Variants in CHCHD3 observed in about 807,000 individuals in gnomAD.
The protein encoded by CHCHD3 is coiled-coil-helix-coiled-coil-helix domain containing 3.
In CHCHD3, 20 loss-of-function variants were observed where a neutral mutation model predicts 38.2. The observed-to-expected ratio is 0.52, with a 90% confidence interval of 0.37 to 0.76. The LOEUF is 0.76. CHCHD3 is among the 30% of genes least tolerant of loss of function. The pLI is 0.00. For synonymous variants in CHCHD3, 82 were observed against 100.0 expected, an observed-to-expected ratio of 0.82 and a Z score of 1.07; for missense variants, 245 against 279.2, an observed-to-expected ratio of 0.88 and a Z score of 0.87.
intron 2 of CHCHD3, among the ~76,000 whole-genome samples, chr7:133,061,597 T>C (rs952897058): frequency 2.0e-5 from 3 of 152,146 alleles, no homozygotes; most frequent in East Asian, 1.9e-4. Context: ...CAGGGGTTGG[T>C]TGCTGGCAGC....
chr7:132,967,625 T>A (rs922167687), intron 4 of CHCHD3, among the ~76,000 whole-genome samples: 11 of 139,976 alleles, frequency 7.9e-5, no homozygotes, highest in Admixed American at 1.4e-4. Flanking sequence ...ATGCTGTTTC[T>A]TAAATAAATA....
chr7:132,947,340 CT>C (rs757681488), intron 4 of CHCHD3, among the ~76,000 whole-genome samples: 2 of 151,876 alleles, frequency 1.3e-5, no homozygotes, highest in South Asian at 4.1e-4. Flanking sequence ...CTTTTCCTTC[CT>C]TCCTTTCAAA....
At chr7:132,862,102 A>ATGGATGGG (rs1808509413) in intron 5 of CHCHD3, among the ~76,000 whole-genome samples, 1 of 151,538 alleles carries the variant, frequency 6.6e-6, no homozygotes, top group African/African-American at 2.4e-5. Flanking sequence ...GGATGGATGG[A>ATGGATGGG]TGGATGAAAT....
At chr7:132,928,948 T>C (rs1180765170) in intron 4 of CHCHD3, among the ~76,000 whole-genome samples, 1 of 152,096 alleles carries the variant, frequency 6.6e-6, no homozygotes, top group African/African-American at 2.4e-5. Context: ...ATCAACTTAT[T>C]ATCACCTCTT....
intron 4 of CHCHD3, among the ~76,000 whole-genome samples, chr7:132,964,179 C>G (rs913016545): frequency 6.6e-6 from 1 of 152,214 alleles, no homozygotes; most frequent in Non-Finnish European, 1.5e-5. Context: ...AAGCCCACCT[C>G]TACTCTCAAC....
intron 5 of CHCHD3, among the ~76,000 whole-genome samples, chr7:132,850,619 A>C (rs1189458360): frequency 6.6e-6 from 1 of 152,070 alleles, no homozygotes; most frequent in African/African-American, 2.4e-5. Context: ...TTGGCATTCT[A>C]AGTTTCCTTT....
chr7:132,995,088 A>G (rs1035126284), intron 3 of CHCHD3, among the ~76,000 whole-genome samples: 2 of 152,222 alleles, frequency 1.3e-5, no homozygotes, highest in African/African-American at 4.8e-5. Flanking sequence ...AGTATACTAG[A>G]TTTTTTAATT....
intron 6 of CHCHD3, among the ~76,000 whole-genome samples, chr7:132,817,902 T>A (rs531645060): frequency 6.4e-5 from 8 of 124,830 alleles, no homozygotes; most frequent in Non-Finnish European, 9.2e-5. Context: ...AAAAAAAAAA[T>A]AAAAATAAAA....
intron 3 of CHCHD3, among the ~76,000 whole-genome samples, chr7:132,999,362 G>A (rs1241125244): frequency 1.3e-5 from 2 of 152,096 alleles, no homozygotes; most frequent in African/African-American, 4.8e-5. Flanking sequence ...TCCAATTAAC[G>A]ATACTGTTAA....
At chr7:133,022,642 A>T in intron 3 of CHCHD3, 1 of 387,226 alleles carries the variant, frequency 2.6e-6, no homozygotes, top group South Asian at 2.0e-5. Flanking sequence ...AAGAAAAAAT[A>T]ATACAAAGGC....
intron 5 of CHCHD3, among the ~76,000 whole-genome samples, chr7:132,865,022 A>G (rs1808583604): frequency 1.3e-5 from 2 of 152,212 alleles, no homozygotes; most frequent in Admixed American, 1.3e-4. Flanking sequence ...CATTAAAATG[A>G]ATTTCAATTT....
At chr7:133,072,311 G>C (rs1469228347) in intron 1 of CHCHD3, among the ~76,000 whole-genome samples, 3 of 151,846 alleles carry the variant, frequency 2.0e-5, no homozygotes, top group Non-Finnish European at 4.4e-5. Flanking sequence ...ACACTTAAAA[G>C]GTATTTAGGA....
chr7:132,990,001 C>T (rs757127439), intron 3 of CHCHD3, among the ~76,000 whole-genome samples: 2 of 151,970 alleles, frequency 1.3e-5, no homozygotes, highest in Non-Finnish European at 2.9e-5. Context: ...GGTGAAACCC[C>T]AACTCTACTA....
chr7:132,906,983 C>G (rs1257693398), intron 4 of CHCHD3, among the ~76,000 whole-genome samples: 1 of 152,168 alleles, frequency 6.6e-6, no homozygotes, highest in Non-Finnish European at 1.5e-5. Flanking sequence ...ATAAATGACT[C>G]TCAGGCATTC....
chr7:132,959,772 T>C (rs974771240), intron 4 of CHCHD3, among the ~76,000 whole-genome samples: 3 of 150,434 alleles, frequency 2.0e-5, no homozygotes, highest in Non-Finnish European at 4.4e-5. Flanking sequence ...AATGCATGCA[T>C]GGGTTTACAG....
At chr7:132,971,668 C>A (rs904823594) in intron 4 of CHCHD3, among the ~76,000 whole-genome samples, 2 of 152,140 alleles carry the variant, frequency 1.3e-5, no homozygotes, top group African/African-American at 4.8e-5. Flanking sequence ...ATTTCACAGT[C>A]CCAACATCAC....
chr7:132,796,597 C>G lies in CHCHD3; in HGVS notation c.525-20G>C. ...TATCGCCTGAAAACAAACACAGGGA[C>G]CGCTGAGACCAATGGTCTTCATTCA... On this transcript the variant is annotated intron_variant, in intron 6 of 7. Transcript: ENST00000262570. The G allele has an allele frequency of 6.2e-7, 1 of 1,611,714 alleles. No individual in the cohort carries two copies. The highest frequency in any genetic ancestry group is 8.5e-7 in the Non-Finnish European group (1 of 1,178,104).
chr7:133,058,592 T>C (rs767937076), intron 2 of CHCHD3, among the ~76,000 whole-genome samples: 3 of 152,244 alleles, frequency 2.0e-5, no homozygotes, highest in Non-Finnish European at 4.4e-5. Flanking sequence ...AAATCAAATT[T>C]ATCCTGATTT....
At position 133,027,745 on chromosome 7, in the gene CHCHD3, AC is replaced by A. The variant is rs562179951; in HGVS notation, c.170-3119del. Among the ~76,000 whole-genome samples the A allele has an allele frequency of 9.2e-5, 14 of 152,182 alleles. No homozygotes were observed. In the South Asian group the frequency reaches 2.9e-3, roughly 32 times the overall value. ...GAAGGGGTCAAACAAAACTTAGGAAACCCCTAGAACAGAATTCTGTTTGCAT... is the reference window on the plus strand; with the variant it reads ...GAAGGGGTCAAACAAAACTTAGGAAACCCTAGAACAGAATTCTGTTTGCAT... On this transcript the variant is annotated intron_variant, in intron 2 of 7. Coordinates refer to ENST00000262570, the MANE Select transcript of CHCHD3 (RefSeq NM_017812.4).
Sources: gnomAD v4.1 joint callset for allele counts (sites outside exome capture counted in the v4.1 genomes callset) on GRCh38, gnomAD v4.1.1 for gene constraint, MANE v1.5 for transcripts, NCBI Gene and HGNC (gene_info 2026-07-23, HGNC 2026-07-21) for gene names.